EPHA6: variants seen among roughly 807,000 people sequenced by gnomAD.
EPHA6 encodes the protein ephrin type-A receptor 6.
EPHA6 carries 50 observed loss-of-function variants against 112.0 expected under a neutral mutation model. The observed-to-expected ratio is 0.45, with a 90% CI of 0.36 to 0.56. EPHA6 has a LOEUF of 0.56. Ranked by LOEUF, EPHA6 falls within the 20% of genes least tolerant of loss-of-function variation. EPHA6 has a pLI of 0.00. For missense variants in EPHA6, 1,280 were observed against 1,417.4 expected (o/e 0.90, Z 1.56); for synonymous variants, 529 against 490.7 (o/e 1.08, Z -1.03).
At chr3:97,672,805 G>A (rs2030980451) in intron 14 of EPHA6, among the ~76,000 whole-genome samples, 1 of 152,196 alleles carries the variant, frequency 6.6e-6, no homozygotes, top group Non-Finnish European at 1.5e-5. Flanking sequence ...AAGATCATGT[G>A]AGAGCAGAAA....
At chr3:97,665,850 G>A (rs573963533) in intron 14 of EPHA6, among the ~76,000 whole-genome samples, 9 of 152,174 alleles carry the variant, frequency 5.9e-5, no homozygotes, top group African/African-American at 1.7e-4. Flanking sequence ...GAGATCAGGG[G>A]TTCGACACCA....
At chr3:96,878,009 TAG>T (rs2037080094) in intron 2 of EPHA6, among the ~76,000 whole-genome samples, 1 of 151,496 alleles carries the variant, frequency 6.6e-6, no homozygotes, top group African/African-American at 2.4e-5. Flanking sequence ...CCTCTTAATT[TAG>T]AGAGTTTGAT....
At chr3:97,153,728 T>C (rs1319369825) in intron 3 of EPHA6, among the ~76,000 whole-genome samples, 14 of 152,148 alleles carry the variant, frequency 9.2e-5, no homozygotes, top group African/African-American at 3.4e-4. Flanking sequence ...TGGAATTTCA[T>C]TAGATTGTAT....
In EPHA6 at chr3:97,755,925, G is replaced by A. The variant is rs1468195872; in HGVS notation, c.*7224G>A. On this transcript the variant is annotated 3_prime_UTR_variant, in exon 18 of 18. Coordinates refer to ENST00000389672, the MANE Select transcript of EPHA6 (RefSeq NM_001080448.3). ...ACACTACACTTTTAAGATTTTTACC[G>A]TAAGTAAAATGTCCTCTTCCACTGC... is the stretch of plus-strand genomic sequence containing the variant. Among the ~76,000 whole-genome samples the A allele has an allele frequency of 5.3e-5, 8 of 152,024 alleles. No individual in the cohort carries two copies. The highest frequency in any genetic ancestry group is 4.2e-4 in the South Asian group (2 of 4,814).
intron 14 of EPHA6, among the ~76,000 whole-genome samples, chr3:97,670,438 T>C (rs1385819683): frequency 6.6e-6 from 1 of 152,234 alleles, no homozygotes; most frequent in Non-Finnish European, 1.5e-5. Context: ...TGCCACTTTT[T>C]TTCTTTTATG....
intron 4 of EPHA6, among the ~76,000 whole-genome samples, chr3:97,243,528 GA>G (rs2108580690): frequency 6.6e-6 from 1 of 151,824 alleles, no homozygotes; most frequent in African/African-American, 2.4e-5. Context: ...TATGAAGACT[GA>G]AAAACTTACA....
At chr3:96,965,914 G>A (rs1439166723) in intron 2 of EPHA6, among the ~76,000 whole-genome samples, 1 of 151,936 alleles carries the variant, frequency 6.6e-6, no homozygotes, top group Non-Finnish European at 1.5e-5. Context: ...CTGTGATTTT[G>A]TATGTACAAT....
At chr3:97,534,874 A>G (rs1439903086) in intron 11 of EPHA6, among the ~76,000 whole-genome samples, 2 of 152,128 alleles carry the variant, frequency 1.3e-5, no homozygotes, top group East Asian at 3.8e-4. Context: ...TCACAATTTA[A>G]GCATGATGTT....
intron 5 of EPHA6, among the ~76,000 whole-genome samples, chr3:97,374,399 A>G (rs1373721113): frequency 1.3e-5 from 2 of 152,134 alleles, no homozygotes; most frequent in East Asian, 3.9e-4. Flanking sequence ...CCGGTGGACT[A>G]CAGCCTTGGT....
chr3:97,193,169 T>C (rs2077352869), intron 3 of EPHA6, among the ~76,000 whole-genome samples: 2 of 152,158 alleles, frequency 1.3e-5, no homozygotes, highest in Non-Finnish European at 2.9e-5. Context: ...TTTCTACTTC[T>C]GTGAAGAATG....
chr3:97,041,487 A>G (rs1428336997), intron 3 of EPHA6, among the ~76,000 whole-genome samples: 1 of 152,106 alleles, frequency 6.6e-6, no homozygotes, highest in East Asian at 1.9e-4. Flanking sequence ...CAAACCTCCT[A>G]TGAAAGGGTG....
intron 11 of EPHA6, among the ~76,000 whole-genome samples, chr3:97,591,278 T>C (rs2093541878): frequency 6.6e-6 from 1 of 152,362 alleles, no homozygotes; most frequent in Non-Finnish European, 1.5e-5. Context: ...AACTTTTCTT[T>C]ACCAATAACG....
chr3:97,599,433 TG>T (rs1164722062), intron 12 of EPHA6, among the ~76,000 whole-genome samples: 8 of 142,524 alleles, frequency 5.6e-5, no homozygotes, highest in Non-Finnish European at 9.2e-5. Context: ...CATCTTGAAT[TG>T]ATTTTTGTAT....
intron 1 of EPHA6, among the ~76,000 whole-genome samples, chr3:96,836,432 A>T (rs2034416394): frequency 6.6e-6 from 1 of 152,120 alleles, no homozygotes; most frequent in Non-Finnish European, 1.5e-5. Flanking sequence ...TAATCCTTGA[A>T]GGTTCTATTT....
intron 5 of EPHA6, among the ~76,000 whole-genome samples, chr3:97,284,144 G>T (rs1256947972): frequency 6.6e-6 from 1 of 151,910 alleles, no homozygotes; most frequent in Non-Finnish European, 1.5e-5. Context: ...AATTTTTAAA[G>T]AAATCTATTT....
intron 3 of EPHA6, among the ~76,000 whole-genome samples, chr3:97,221,803 A>T (rs980499614): frequency 2.0e-5 from 3 of 152,088 alleles, no homozygotes; most frequent in Admixed American, 2.0e-4. Context: ...AGGCCGACGC[A>T]GGTGGATCAC....
intron 2 of EPHA6, among the ~76,000 whole-genome samples, chr3:96,925,485 G>T (rs2039987153): frequency 6.6e-6 from 1 of 151,830 alleles, no homozygotes; most frequent in Non-Finnish European, 1.5e-5. Context: ...GGGGTCAGTG[G>T]TGTTATTTCC....
chr3:97,538,998 T>TCTTTCTTA (rs1553805919), intron 11 of EPHA6, among the ~76,000 whole-genome samples: 1 of 147,246 alleles, frequency 6.8e-6, no homozygotes, highest in African/African-American at 2.6e-5. Flanking sequence ...TTTCTTTCTT[T>TCTTTCTTA]CTTTCTTTCT....
Position 97,121,598 on chromosome 3 carries a change from G to T in EPHA6, c.1115-104666G>T, listed in dbSNP as rs73131589. Among the ~76,000 whole-genome samples the T allele has an allele frequency of 3.0e-3, 451 of 152,126 alleles. 5 individuals carry two copies. The highest frequency in any genetic ancestry group is 1.8e-3 in the Non-Finnish European group (123 of 67,966). ...CTTGTCCACTTGGCTGGGTGCCATT[G>T]TTACCACGTGATGGAGACCTTGCTC... On this transcript the variant is annotated intron_variant, in intron 3 of 17. Transcript: ENST00000389672.
Sources: allele counts gnomAD v4.1 joint callset (sites outside exome capture counted in the v4.1 genomes callset), GRCh38; gene constraint gnomAD v4.1.1; transcripts MANE v1.5; gene names NCBI Gene and HGNC (gene_info 2026-07-23, HGNC 2026-07-21).